Variants in ELMO1 observed in about 807,000 individuals in gnomAD.
The protein encoded by ELMO1 is engulfment and cell motility protein 1.
ELMO1 carries 26 observed loss-of-function variants against 98.9 expected under a neutral mutation model. That is an observed-to-expected ratio of 0.26 (90% confidence interval 0.19 to 0.36). ELMO1 has a LOEUF of 0.36. Ranked by LOEUF, ELMO1 falls within the 10% of genes least tolerant of loss-of-function variation. ELMO1 has a pLI of 1.00. For synonymous variants in ELMO1, 346 were observed against 346.0 expected (o/e 1.00, Z 0.00); for missense variants, 627 against 935.2 (o/e 0.67, Z 4.30).
At chr7:36,961,866 T>C (rs1439348419) in intron 16 of ELMO1, among the ~76,000 whole-genome samples, 1 of 152,176 alleles carries the variant, frequency 6.6e-6, no homozygotes, top group African/African-American at 2.4e-5. Context: ...GGCATGTAAA[T>C]AGTATTGTCC....
At chr7:37,277,328 G>T (rs1484762036) in intron 4 of ELMO1, among the ~76,000 whole-genome samples, 1 of 152,218 alleles carries the variant, frequency 6.6e-6, no homozygotes, top group Non-Finnish European at 1.5e-5. Flanking sequence ...GCTTTTAGAG[G>T]AGATGACATT....
At chr7:37,120,895 C>T (rs1785977789) in intron 14 of ELMO1, among the ~76,000 whole-genome samples, 1 of 152,190 alleles carries the variant, frequency 6.6e-6, no homozygotes, top group Non-Finnish European at 1.5e-5. Context: ...AGACTGACAC[C>T]TCACACAGCC....
At chr7:36,924,531 T>G (rs956153376) in intron 16 of ELMO1, among the ~76,000 whole-genome samples, 1 of 152,150 alleles carries the variant, frequency 6.6e-6, no homozygotes, top group Non-Finnish European at 1.5e-5. Context: ...AAAACACACA[T>G]AAACAAAGCT....
intron 20 of ELMO1, among the ~76,000 whole-genome samples, chr7:36,863,502 TTTCAAAAGAAAAA>T (rs1165942119): frequency 6.6e-6 from 1 of 152,164 alleles, no homozygotes; most frequent in Admixed American, 6.5e-5. Flanking sequence ...CCTGAGATAA[TTTCAAAAGAAAAA>T]TTCAAAAGAA....
At position 36,915,402 on chromosome 7, in the gene ELMO1, T is replaced by C. The variant is rs1220844589; in HGVS notation, c.1438-20385A>G. Among the ~76,000 whole-genome samples, 4 of 152,268 alleles carry C rather than the reference T, an allele frequency of 2.6e-5. No individual in the cohort carries two copies. The East Asian group carries it at 5.8e-4, about 22-fold the overall frequency. Reference sequence around the variant, plus strand: ...AATATGTTTATTCTTTTATCTAAGATAGGAGGGGGAAAGAGTGATTTCATA... The same window carrying C: ...AATATGTTTATTCTTTTATCTAAGACAGGAGGGGGAAAGAGTGATTTCATA... On this transcript the variant is annotated intron_variant, in intron 16 of 21. Coordinates refer to ENST00000310758, the MANE Select transcript of ELMO1 (RefSeq NM_014800.11).
chr7:37,156,049 C>A (rs1162900750), intron 13 of ELMO1, among the ~76,000 whole-genome samples: 3 of 152,148 alleles, frequency 2.0e-5, no homozygotes, highest in African/African-American at 7.2e-5. Flanking sequence ...TACGTGGAAA[C>A]TGAACAACCT....
Position 36,855,418 on chromosome 7 carries a change from A to T in ELMO1, c.*133T>A. ...CTGAAAGTTGCCAGGGCTAGAGGTG[A>T]TGCTGAAGGGAATGTGGACCCACAG... On this transcript the variant is annotated 3_prime_UTR_variant, in exon 22 of 22. Coordinates refer to ENST00000310758, the MANE Select transcript of ELMO1 (RefSeq NM_014800.11). The surrounding 1 kb of genome is among the most constrained non-coding windows in gnomAD (Gnocchi z 4.2). The T allele has an allele frequency of 8.7e-7, 1 of 1,153,182 alleles. No homozygotes were observed. The highest frequency in any genetic ancestry group is 1.3e-6 in the Non-Finnish European group (1 of 789,964). The allele number at this position is 1,153,182 out of a possible 1,614,324, so 71.4% of individuals were successfully genotyped here. A position where few individuals can be genotyped will look rare whatever the true frequency, so the allele number is the denominator to read the frequency against.
At chr7:37,080,600 A>ATTTTTTTTTT (rs764259726) in intron 15 of ELMO1, among the ~76,000 whole-genome samples, 864 of 105,258 alleles carry the variant, frequency 8.2e-3, no homozygotes, top group African/African-American at 0.015. Flanking sequence ...ACCACGCCTA[A>ATTTTTTTTTT]TTTTTTTTTT....
chr7:37,203,373 G>C (rs931376520), intron 13 of ELMO1, among the ~76,000 whole-genome samples: 3 of 152,194 alleles, frequency 2.0e-5, no homozygotes, highest in Non-Finnish European at 4.4e-5. Context: ...GGGATCTCCA[G>C]AGTTGGAAGA....
chr7:37,215,703 C>A (rs565697505), intron 11 of ELMO1, among the ~76,000 whole-genome samples: 3 of 152,382 alleles, frequency 2.0e-5, no homozygotes, highest in Non-Finnish European at 2.9e-5. Flanking sequence ...CCCTCAAAAA[C>A]CACAGTAAGG....
At chr7:36,955,918 C>T (rs1788402832) in intron 16 of ELMO1, among the ~76,000 whole-genome samples, 1 of 152,140 alleles carries the variant, frequency 6.6e-6, no homozygotes, top group Admixed American at 6.5e-5. Flanking sequence ...ATAAACTGTT[C>T]TCACTTCTCT....
chr7:37,183,809 C>T (rs1296220191), intron 13 of ELMO1, among the ~76,000 whole-genome samples: 4 of 151,750 alleles, frequency 2.6e-5, no homozygotes, highest in African/African-American at 9.7e-5. Context: ...CACTGGTAAA[C>T]GTATAATAAA....
chr7:37,098,429 G>T (rs1036564821), intron 14 of ELMO1, among the ~76,000 whole-genome samples: 3 of 152,326 alleles, frequency 2.0e-5, no homozygotes, highest in African/African-American at 7.2e-5. Context: ...AACAGGGAAT[G>T]CTTGGGGAGG....
chr7:37,098,608 T>C (rs1232168686), intron 14 of ELMO1, among the ~76,000 whole-genome samples: 2 of 152,170 alleles, frequency 1.3e-5, no homozygotes, highest in Non-Finnish European at 2.9e-5. Flanking sequence ...CCAAAACATA[T>C]GCACTCAGTC....
At chr7:37,036,703 C>T (rs1326990907) in intron 15 of ELMO1, among the ~76,000 whole-genome samples, 1 of 152,036 alleles carries the variant, frequency 6.6e-6, no homozygotes, top group Non-Finnish European at 1.5e-5. Context: ...GAGGTTACTT[C>T]CAGGAAATGA....
Position 37,397,820 on chromosome 7 carries a change from G to A in ELMO1, c.-74+50855C>T, listed in dbSNP as rs557954695. On this transcript the variant is annotated intron_variant, in intron 1 of 21. Transcript: ENST00000310758. ...ATACACCATGGAATACTATGCAGCC[G>A]TAAGAAGGAATGAGATTATGTCCTT... Among the ~76,000 whole-genome samples, 162 of 152,286 alleles carry A rather than the reference G, an allele frequency of 1.1e-3. 1 individual carries two copies. The highest frequency in any genetic ancestry group is 3.4e-3 in the African/African-American group (143 of 41,552).
In ELMO1 at chr7:36,894,858, T is replaced by C. The variant is rs750912430; in HGVS notation, c.1597A>G (p.Ile533Val). 5.0e-5 allele frequency: 80 copies of C among 1,613,954 alleles called. No individual in the cohort carries two copies. Among genetic ancestry groups the C allele is most frequent in the Non-Finnish European group, 6.4e-5 (76 of 1,179,994 alleles). ...MNQEDFQSRP[I>V]LELKEKIQPE... ...AGTCAATACTAGGTAACTTACAAAA[T>C]CGGGCGGGACTGGAAATCTTCCTGG... is the stretch of plus-strand genomic sequence containing the variant. The change falls in exon 17 of 22, where the codon ATT (isoleucine) becomes GTT (valine). Residue 533 changes from isoleucine to valine, a missense_variant. Ile to Val is a conservative substitution (Grantham distance 29). Transcript: ENST00000310758.
At chr7:36,863,252 G>T (rs1802774540) in intron 20 of ELMO1, among the ~76,000 whole-genome samples, 1 of 152,054 alleles carries the variant, frequency 6.6e-6, no homozygotes, top group South Asian at 2.1e-4. Context: ...TCTTCTTTAG[G>T]CCCTGACTCA....
intron 16 of ELMO1, among the ~76,000 whole-genome samples, chr7:36,948,671 A>T (rs1294049138): frequency 6.6e-6 from 1 of 152,088 alleles, no homozygotes; most frequent in Non-Finnish European, 1.5e-5. Context: ...CCCTACAACT[A>T]TCTCCTTCCT....
Sources: allele counts gnomAD v4.1 joint callset (sites outside exome capture counted in the v4.1 genomes callset), GRCh38; gene constraint gnomAD v4.1.1; non-coding constraint Gnocchi (gnomAD v3.1); transcripts MANE v1.5; gene names NCBI Gene and HGNC (gene_info 2026-07-23, HGNC 2026-07-21).